The following NCAM2 variants were observed in gnomAD, a reference collection of about 807,000 sequenced individuals.
The protein encoded by NCAM2 is neural cell adhesion molecule 2.
Under a neutral mutation model 98.1 loss-of-function variants are expected in NCAM2, and 30 were observed. The ratio of observed to expected loss-of-function variants is 0.31; its 90% CI spans 0.23 to 0.41. The LOEUF (loss-of-function observed/expected upper bound fraction) is 0.41, where lower values mean the gene tolerates loss of function less well. Among genes scored for constraint, NCAM2 ranks in the 10% least tolerant of loss-of-function variants. NCAM2 has a pLI of 1.00. For synonymous variants in NCAM2, 368 were observed against 342.4 expected (o/e 1.07, Z -0.83); for missense variants, 867 against 1,005.8 (o/e 0.86, Z 1.87).
chr21:21,133,588 A>C (rs1234636137), intron 1 of NCAM2, among the ~76,000 whole-genome samples: 2 of 152,188 alleles, frequency 1.3e-5, no homozygotes, highest in African/African-American at 4.8e-5. Context: ...TAGTCATCAC[A>C]TATTCAATCC....
intron 11 of NCAM2, among the ~76,000 whole-genome samples, chr21:21,420,338 C>T (rs1490526840): frequency 1.3e-5 from 2 of 151,790 alleles, no homozygotes; most frequent in Non-Finnish European, 1.5e-5. Flanking sequence ...ATATTGTTTA[C>T]TTATTTATAA....
chr21:21,071,769 A>G (rs535881681), intron 1 of NCAM2, among the ~76,000 whole-genome samples: 14 of 152,330 alleles, frequency 9.2e-5, no homozygotes, highest in Non-Finnish European at 1.8e-4. Flanking sequence ...TTTAATAAGC[A>G]AATGTTTAAA....
intron 13 of NCAM2, 51 bp from the exon 14 acceptor site, chr21:21,468,607 TTATC>T (rs1003011901): frequency 2.4e-5 from 36 of 1,513,578 alleles, no homozygotes; most frequent in Non-Finnish European, 3.1e-5. Context: ...AAAATATAGT[TTATC>T]TAGGTATCTG....
At chr21:21,410,562 AAGAG>A (rs2076836333) in intron 10 of NCAM2, 101 bp downstream of exon 10, 1 of 586,522 alleles carries the variant, frequency 1.7e-6, no homozygotes, top group Non-Finnish European at 2.6e-6. Context: ...TATATATAAT[AAGAG>A]AGAGAAATCA....
intron 1 of NCAM2, among the ~76,000 whole-genome samples, chr21:21,077,107 G>T (rs1433221960): frequency 6.6e-6 from 1 of 152,122 alleles, no homozygotes; most frequent in Non-Finnish European, 1.5e-5. Flanking sequence ...AGCTTCTCTT[G>T]TTCTTAGATT....
intron 1 of NCAM2, among the ~76,000 whole-genome samples, chr21:21,246,946 ATAATAGCATT>A (rs1379802927): frequency 1.3e-5 from 2 of 152,172 alleles, no homozygotes; most frequent in African/African-American, 4.8e-5. Context: ...TTTATCTTGA[ATAATAGCATT>A]TAACCTACTG....
At chr21:21,489,835 C>T (rs1312901431) in intron 15 of NCAM2, among the ~76,000 whole-genome samples, 3 of 151,950 alleles carry the variant, frequency 2.0e-5, no homozygotes, top group Non-Finnish European at 1.5e-5. Flanking sequence ...AAAATTAACA[C>T]TTATTAACTC....
intron 1 of NCAM2, among the ~76,000 whole-genome samples, chr21:21,063,210 CTTTTTTTTTTTTTTTTT>C (rs11325446): frequency 1.5e-5 from 1 of 66,052 alleles, no homozygotes; most frequent in Middle Eastern, 0.015. Flanking sequence ...TCTTTACATT[CTTTTTTTTTTTTTTTTT>C]TTTTTTTTTT....
intron 1 of NCAM2, among the ~76,000 whole-genome samples, chr21:21,189,545 G>A (rs2068750628): frequency 6.6e-6 from 1 of 152,204 alleles, no homozygotes; most frequent in South Asian, 2.1e-4. Flanking sequence ...GGGTAACACA[G>A]CAAGACCTCG....
At chr21:21,147,388 C>T (rs1158805833) in intron 1 of NCAM2, 1 of 564,704 alleles carries the variant, frequency 1.8e-6, no homozygotes, top group Non-Finnish European at 2.2e-6. Context: ...TGGAGTGACT[C>T]AGTCACTTCA....
At chr21:21,274,743 T>C (rs913311441) in intron 1 of NCAM2, among the ~76,000 whole-genome samples, 11 of 152,102 alleles carry the variant, frequency 7.2e-5, no homozygotes, top group African/African-American at 2.7e-4. Context: ...AAAAAAGTGC[T>C]TGTTGAAAAA....
intron 13 of NCAM2, among the ~76,000 whole-genome samples, chr21:21,467,122 T>A (rs1293478294): frequency 6.6e-6 from 1 of 151,996 alleles, no homozygotes; most frequent in Admixed American, 6.6e-5. Context: ...CCACAAATTA[T>A]ATGGGCTCTA....
intron 5 of NCAM2, among the ~76,000 whole-genome samples, chr21:21,295,507 T>C (rs1021277468): frequency 5.9e-5 from 9 of 151,862 alleles, no homozygotes; most frequent in African/African-American, 2.2e-4. Context: ...ACCCAGTCGA[T>C]CATGTGACTT....
chr21:21,222,165 A>T (rs1187201702), intron 1 of NCAM2, among the ~76,000 whole-genome samples: 1 of 152,178 alleles, frequency 6.6e-6, no homozygotes, highest in Non-Finnish European at 1.5e-5. Context: ...AGATTCTTTC[A>T]AATATTACTG....
intron 1 of NCAM2, among the ~76,000 whole-genome samples, chr21:21,011,720 G>A (rs2064214991): frequency 6.6e-6 from 1 of 151,952 alleles, no homozygotes; most frequent in South Asian, 2.1e-4. Context: ...GAATATATTT[G>A]TAAACTATAC....
intron 1 of NCAM2, among the ~76,000 whole-genome samples, chr21:21,214,865 C>A (rs909608023): frequency 1.3e-5 from 2 of 149,684 alleles, no homozygotes; most frequent in Admixed American, 6.7e-5. Context: ...ATTATTACTG[C>A]CTCAAATACA....
chr21:20,999,308 G>T (rs546193487), intron 1 of NCAM2, among the ~76,000 whole-genome samples: 73 of 151,834 alleles, frequency 4.8e-4, no homozygotes, highest in African/African-American at 1.8e-3. Flanking sequence ...CACCTGTAGA[G>T]GATTTTTGGG....
At chr21:21,191,963 T>G (rs1417268798) in intron 1 of NCAM2, among the ~76,000 whole-genome samples, 3 of 152,174 alleles carry the variant, frequency 2.0e-5, no homozygotes, top group Admixed American at 2.0e-4. Flanking sequence ...GGCTCATCCC[T>G]GTAATCCCAG....
At chr21:21,382,809 C>T (rs1340436377) in intron 9 of NCAM2, among the ~76,000 whole-genome samples, 2 of 151,688 alleles carry the variant, frequency 1.3e-5, no homozygotes, top group African/African-American at 2.4e-5. Flanking sequence ...GGATTACAGG[C>T]GGGAGCCACT....
Sources: allele counts gnomAD v4.1 joint callset (sites outside exome capture counted in the v4.1 genomes callset), GRCh38; gene constraint gnomAD v4.1.1; transcripts MANE v1.5; gene names NCBI Gene and HGNC (gene_info 2026-07-23, HGNC 2026-07-21).